Variants in THNSL1 observed in about 807,000 individuals in gnomAD.
THNSL1 encodes threonine synthase-like 1.
THNSL1 carries 48 observed loss-of-function variants against 50.4 expected under a neutral mutation model. The observed-to-expected ratio is 0.95, with a 90% CI of 0.76 to 1.21. The LOEUF (loss-of-function observed/expected upper bound fraction) is 1.21, where lower values mean the gene tolerates loss of function less well. Ranked by LOEUF, THNSL1 falls within the 50% of genes most tolerant of loss-of-function variation. The pLI, the probability that THNSL1 is intolerant of heterozygous loss-of-function variation, is 0.00. For synonymous variants in THNSL1, 309 were observed against 306.1 expected (o/e 1.01, Z -0.10); for missense variants, 896 against 871.7 (o/e 1.03, Z -0.35).
the THNSL1 span, among the ~76,000 whole-genome samples, chr10:25,007,596 G>A: frequency 1.3e-5 from 2 of 151,972 alleles, no homozygotes; most frequent in Non-Finnish European, 2.9e-5. Context: ...CACCACACCC[G>A]GGTAATTTTT....
chr10:24,957,069 G>A, the THNSL1 span, among the ~76,000 whole-genome samples: 1 of 152,132 alleles, frequency 6.6e-6, no homozygotes, highest in Non-Finnish European at 1.5e-5. Context: ...AAAAGGTTGA[G>A]ACTACTGCGT....
chr10:25,024,488 G>T lies in THNSL1; in HGVS notation c.1265G>T (p.Gly422Val). 1 of 1,614,150 alleles carries T rather than the reference G, an allele frequency of 6.2e-7. No individual in the cohort carries two copies. Among genetic ancestry groups the T allele is most frequent in the Non-Finnish European group, 8.5e-7 (1 of 1,180,018 alleles). The stretch of plus-strand genomic sequence containing the variant: ...GATTTTCAAAAAGCACAAATAATTG[G>T]CAGTCAGAGAGAAAATGGATGGGCA... ...VSDFQKAQII[G>V]SQRENGWAVG... The change falls in exon 3 of 3, where the codon GGC becomes GTC. Residue 422 changes from glycine to valine, a missense_variant. Coordinates refer to ENST00000376356, the MANE Select transcript of THNSL1 (RefSeq NM_024838.5).
At chr10:24,960,372 G>A in the THNSL1 span, among the ~76,000 whole-genome samples, 1 of 152,088 alleles carries the variant, frequency 6.6e-6, no homozygotes, top group Non-Finnish European at 1.5e-5. Flanking sequence ...CCTATGGGTT[G>A]CACTTGAAGG....
At chr10:25,020,184 G>A (rs1850688355) in intron 1 of THNSL1, among the ~76,000 whole-genome samples, 1 of 151,314 alleles carries the variant, frequency 6.6e-6, no homozygotes, top group South Asian at 2.1e-4. Flanking sequence ...CATGTTTGTG[G>A]GAAATAATAT....
chr10:24,984,851 A>C, the THNSL1 span: 1 of 1,613,730 alleles, frequency 6.2e-7, no homozygotes, highest in Middle Eastern at 1.7e-4. Flanking sequence ...GAATCTATAA[A>C]GACCGAGAGG....
the THNSL1 span, among the ~76,000 whole-genome samples, chr10:24,956,090 A>G: frequency 6.6e-6 from 1 of 152,190 alleles, no homozygotes; most frequent in Non-Finnish European, 1.5e-5. Flanking sequence ...GATTTTTCAT[A>G]AAAAGGGATA....
chr10:24,996,193 T>A, the THNSL1 span, among the ~76,000 whole-genome samples: 1 of 152,232 alleles, frequency 6.6e-6, no homozygotes, highest in Admixed American at 6.5e-5. Flanking sequence ...CACGGTGACG[T>A]GGGCAGATCG....
the THNSL1 span, among the ~76,000 whole-genome samples, chr10:24,957,683 A>G: frequency 2.6e-5 from 4 of 151,970 alleles, no homozygotes; most frequent in African/African-American, 7.3e-5. Context: ...GTTTCACCAC[A>G]TTGGCCAGGC....
At chr10:24,975,063 C>A in the THNSL1 span, among the ~76,000 whole-genome samples, 5 of 152,248 alleles carry the variant, frequency 3.3e-5, no homozygotes, top group African/African-American at 1.2e-4. Flanking sequence ...TGTTTTAAAG[C>A]ATTTGTCCAG....
the THNSL1 span, chr10:24,952,618 G>A: frequency 2.0e-6 from 3 of 1,519,144 alleles, no homozygotes; most frequent in Non-Finnish European, 2.7e-6. This position sits in a 1 kb window ranked among gnomAD's most constrained non-coding sequence, Gnocchi z 5.1. Context: ...GCGCGGGAAG[G>A]AGCAGGGAGG....
the THNSL1 span, among the ~76,000 whole-genome samples, chr10:24,978,775 C>A: frequency 3.9e-5 from 6 of 152,214 alleles, no homozygotes; most frequent in African/African-American, 1.2e-4. Flanking sequence ...GTTTGGAGAC[C>A]AAACTCTTGT....
chr10:25,017,099 C>G (rs528867690), intron 1 of THNSL1, among the ~76,000 whole-genome samples: 1 of 152,338 alleles, frequency 6.6e-6, no homozygotes, highest in Admixed American at 6.5e-5. Flanking sequence ...CGGGTCGGGA[C>G]TCTTCCTCTA....
At chr10:25,022,030 A>G (rs1355745352) in intron 2 of THNSL1, 122 bp downstream of exon 2, 2 of 152,166 alleles carry the variant, frequency 1.3e-5, no homozygotes, top group Non-Finnish European at 2.9e-5. Flanking sequence ...TTAACATATG[A>G]TCTAGTATTT....
At chr10:25,017,364 T>G (rs1850623818) in intron 1 of THNSL1, among the ~76,000 whole-genome samples, 1 of 152,006 alleles carries the variant, frequency 6.6e-6, no homozygotes, top group African/African-American at 2.4e-5. Flanking sequence ...GGTAATAGGA[T>G]TTGGGGAGGA....
chr10:25,012,911 C>A (rs1850482894), upstream of THNSL1, among the ~76,000 whole-genome samples: 2 of 152,102 alleles, frequency 1.3e-5, no homozygotes, highest in African/African-American at 4.8e-5. Context: ...CATCCCCACG[C>A]AAATCTCACA....
chr10:25,002,125 A>G, the THNSL1 span, among the ~76,000 whole-genome samples: 1 of 152,164 alleles, frequency 6.6e-6, no homozygotes, highest in African/African-American at 2.4e-5. Context: ...TGGCCCCACT[A>G]CTGAGGCAAT....
the THNSL1 span, among the ~76,000 whole-genome samples, chr10:25,007,426 ATTTATTTG>A: frequency 6.6e-6 from 1 of 151,778 alleles, no homozygotes; most frequent in African/African-American, 2.4e-5. Context: ...TTATTTATTT[ATTTATTTG>A]TTTGTTTGTT....
chr10:25,024,856 A>C lies in THNSL1; in HGVS notation c.1633A>C (p.Lys545Gln). The C allele has an allele frequency of 6.2e-7, 1 of 1,614,114 alleles. No homozygotes were observed. Among genetic ancestry groups the C allele is most frequent in the Non-Finnish European group, 8.5e-7 (1 of 1,180,038 alleles). Residue 545 changes from lysine to glutamine, a missense_variant, in exon 3 of 3, where the codon AAA becomes CAA. Physicochemically the swap from Lys to Gln is moderately conservative, Grantham distance 53 (BLOSUM62 1). Transcript: ENST00000376356. ...GAACCATGTTTTGACTGATTTTATA[A>C]AAACAGGACATTATGATCTAAGGGA... ...NQNHVLTDFI[K>Q]TGHYDLRERK...
At chr10:24,987,056 C>G in the THNSL1 span, among the ~76,000 whole-genome samples, 1 of 152,204 alleles carries the variant, frequency 6.6e-6, no homozygotes, top group Non-Finnish European at 1.5e-5. Context: ...AGCTCTTTCG[C>G]CCTCTGGCCT....
Sources: gnomAD v4.1 joint callset for allele counts (sites outside exome capture counted in the v4.1 genomes callset) on GRCh38, gnomAD v4.1.1 for gene constraint, Gnocchi (gnomAD v3.1) non-coding constraint, MANE v1.5 for transcripts, NCBI Gene and HGNC (gene_info 2026-07-23, HGNC 2026-07-21) for gene names.